The following GMDS variants were observed in gnomAD, a reference collection of about 807,000 sequenced individuals.
GMDS encodes the protein GDP-mannose 4,6 dehydratase.
GMDS carries 20 observed loss-of-function variants against 49.9 expected under a neutral mutation model. That is an observed-to-expected ratio of 0.40 (90% CI 0.28 to 0.58). The LOEUF (loss-of-function observed/expected upper bound fraction) is 0.58, where lower values mean the gene tolerates loss of function less well. Among genes scored for constraint, GMDS ranks in the 20% least tolerant of loss-of-function variants. GMDS has a pLI of 0.42. For synonymous variants in GMDS, 177 were observed against 178.6 expected, an observed-to-expected ratio of 0.99 and a Z score of 0.07; for missense variants, 362 against 481.4, an observed-to-expected ratio of 0.75 and a Z score of 2.32.
chr6:1,903,610 ATTTTC>A (rs551766040), intron 7 of GMDS, among the ~76,000 whole-genome samples: 2 of 152,138 alleles, frequency 1.3e-5, no homozygotes, highest in African/African-American at 2.4e-5. Context: ...TACTTGGTTC[ATTTTC>A]TTTTGTCTCC....
chr6:1,784,390 C>CA (rs780517217), intron 7 of GMDS, among the ~76,000 whole-genome samples: 1,153 of 39,938 alleles, frequency 0.029, 26 homozygotes, highest in Admixed American at 0.045. Flanking sequence ...AGACTCGTCT[C>CA]AAAAAAAAAA....
chr6:2,187,360 G>A (rs1778823228), intron 1 of GMDS, among the ~76,000 whole-genome samples: 1 of 152,180 alleles, frequency 6.6e-6, no homozygotes, highest in Non-Finnish European at 1.5e-5. Context: ...ATTTCTCTCA[G>A]TTTGGTTTAC....
chr6:2,059,804 T>C (rs184689258), intron 4 of GMDS, among the ~76,000 whole-genome samples: 261 of 142,808 alleles, frequency 1.8e-3, no homozygotes, highest in African/African-American at 6.0e-3. Flanking sequence ...CAACCCCAAA[T>C]ATATAATAAA....
rs570389717 is a variant in GMDS, at chr6:2,245,309, C to A, written c.102+12G>T. On this transcript the variant is annotated intron_variant, in intron 1 of 10. Coordinates refer to ENST00000380815, the MANE Select transcript of GMDS (RefSeq NM_001500.4). ...GCTGCCTCGGCCGGCGCGCCCCCGC[C>A]CCCGCACTCACCTGGCCTGTGATAC... 3 of 1,518,676 alleles carry A rather than the reference C, an allele frequency of 2.0e-6. No homozygotes were observed. Among genetic ancestry groups the A allele is most frequent in the Non-Finnish European group, 1.8e-6 (2 of 1,129,000 alleles). The allele number at this position is 1,518,676 out of a possible 1,614,324, so 94.1% of individuals were successfully genotyped here. A position where few individuals can be genotyped will look rare whatever the true frequency, so the allele number is the denominator to read the frequency against.
At chr6:1,913,804 CT>C (rs752678222) in intron 7 of GMDS, among the ~76,000 whole-genome samples, 2 of 151,798 alleles carry the variant, frequency 1.3e-5, no homozygotes, top group Non-Finnish European at 2.9e-5. Context: ...GAGGGAAGCA[CT>C]TTTTTTTCTT....
chr6:1,651,065 G>T (rs924360538), intron 9 of GMDS, among the ~76,000 whole-genome samples: 3 of 152,218 alleles, frequency 2.0e-5, no homozygotes, highest in Admixed American at 1.3e-4. Flanking sequence ...CCTGGGCCCT[G>T]CATGGGAGGA....
chr6:1,755,850 G>A lies in GMDS; in HGVS notation c.772-13264C>T, dbSNP rs545580232. On this transcript the variant is annotated intron_variant, in intron 7 of 10. Transcript: ENST00000380815. ...AATACCATTCAGGACATAGGCATGC[G>A]CAAAGACTTCATGACTAAAACACCA... Among the ~76,000 whole-genome samples, 23 of 152,254 alleles carry A rather than the reference G, an allele frequency of 1.5e-4. No homozygotes were observed. In the East Asian group the frequency reaches 1.9e-3, roughly 13 times the overall value.
intron 7 of GMDS, among the ~76,000 whole-genome samples, chr6:1,775,042 A>G (rs1356065032): frequency 6.6e-6 from 1 of 152,240 alleles, no homozygotes; most frequent in East Asian, 1.9e-4. Flanking sequence ...AACTTAATAA[A>G]ATCTGTAACA....
intron 7 of GMDS, among the ~76,000 whole-genome samples, chr6:1,755,861 A>T (rs1561784154): frequency 6.6e-6 from 1 of 152,260 alleles, no homozygotes; most frequent in Non-Finnish European, 1.5e-5. Context: ...CAAAGACTTC[A>T]TGACTAAAAC....
intron 4 of GMDS, among the ~76,000 whole-genome samples, chr6:2,077,303 A>C (rs192373928): frequency 6.6e-5 from 10 of 152,146 alleles, no homozygotes; most frequent in Admixed American, 3.3e-4. Context: ...ATTTGCTAGG[A>C]TTTCCAGTGC....
intron 4 of GMDS, among the ~76,000 whole-genome samples, chr6:1,996,929 T>C (rs1407082947): frequency 6.6e-6 from 1 of 151,854 alleles, no homozygotes; most frequent in Non-Finnish European, 1.5e-5. Context: ...AACTAAGGAG[T>C]AAGACCCTAG....
intron 4 of GMDS, among the ~76,000 whole-genome samples, chr6:2,079,719 T>C (rs527835908): frequency 6.6e-6 from 1 of 152,256 alleles, no homozygotes; most frequent in South Asian, 2.1e-4. Flanking sequence ...ACTTTTCTCT[T>C]GCCTTTTTCA....
intron 7 of GMDS, among the ~76,000 whole-genome samples, chr6:1,920,485 C>T (rs1019831355): frequency 4.6e-5 from 7 of 152,176 alleles, no homozygotes; most frequent in South Asian, 2.1e-4. Context: ...GAGTGATTAA[C>T]GTATGGTATG....
At chr6:2,004,057 T>C (rs548210422) in intron 4 of GMDS, among the ~76,000 whole-genome samples, 2 of 152,342 alleles carry the variant, frequency 1.3e-5, no homozygotes, top group African/African-American at 4.8e-5. Flanking sequence ...AAGGCTCTTC[T>C]TCTCTTTGAA....
Position 1,870,783 on chromosome 6 carries a change from C to A in GMDS, c.771+59320G>T, listed in dbSNP as rs79074048. ...CAAAACACACACTATTAAATTAAGC[C>A]ATATTAAGAGAGTAAAGTTTTATTT... On this transcript the variant is annotated intron_variant, in intron 7 of 10. Coordinates refer to ENST00000380815, the MANE Select transcript of GMDS (RefSeq NM_001500.4). 5.8e-3 allele frequency among the ~76,000 whole-genome samples: 878 copies of A among 152,060 alleles called. 8 individuals carry two copies. The highest frequency in any genetic ancestry group is 0.02 in the African/African-American group (824 of 41,462).
intron 7 of GMDS, among the ~76,000 whole-genome samples, chr6:1,788,961 G>C (rs1252211178): frequency 6.6e-6 from 1 of 152,130 alleles, no homozygotes; most frequent in African/African-American, 2.4e-5. Context: ...GCCCCGGTTT[G>C]CGGGTCCCCA....
chr6:1,999,178 A>C (rs775121674), intron 4 of GMDS, among the ~76,000 whole-genome samples: 4 of 151,740 alleles, frequency 2.6e-5, no homozygotes, highest in Non-Finnish European at 5.9e-5. Context: ...AAAAATTAGC[A>C]GGGCGTGGTG....
At chr6:2,035,681 T>C (rs936565312) in intron 4 of GMDS, among the ~76,000 whole-genome samples, 2 of 151,846 alleles carry the variant, frequency 1.3e-5, no homozygotes, top group East Asian at 3.9e-4. Context: ...TATTTATTTA[T>C]ATTTATTTAT....
At chr6:2,151,095 A>C (rs1370656075) in intron 1 of GMDS, among the ~76,000 whole-genome samples, 3 of 152,154 alleles carry the variant, frequency 2.0e-5, no homozygotes, top group Non-Finnish European at 4.4e-5. Flanking sequence ...AGAAAGAATA[A>C]GACCTAGTAT....
Sources: gnomAD v4.1 joint callset for allele counts (sites outside exome capture counted in the v4.1 genomes callset) on GRCh38, gnomAD v4.1.1 for gene constraint, MANE v1.5 for transcripts, NCBI Gene and HGNC (gene_info 2026-07-23, HGNC 2026-07-21) for gene names.